The following GABRA3 variants were observed in gnomAD, a reference collection of about 807,000 sequenced individuals.
The protein encoded by GABRA3 is gamma-aminobutyric acid type A receptor subunit alpha3.
A neutral mutation model predicts 30.1 loss-of-function variants in GABRA3; 10 were observed. The observed-to-expected ratio is 0.33, with a 90% confidence interval of 0.20 to 0.56. GABRA3 has a LOEUF of 0.56. GABRA3 is among the 20% of genes least tolerant of loss of function. The pLI, the probability that GABRA3 is intolerant of heterozygous loss-of-function variation, is 0.89. For synonymous variants in GABRA3, 151 were observed against 146.8 expected (o/e 1.03, Z -0.21); for missense variants, 233 against 392.0 (o/e 0.59, Z 3.42).
intron 1 of GABRA3, among the ~76,000 whole-genome samples, chrX:152,401,347 C>T (rs1914485607): frequency 9.2e-6 from 1 of 108,549 alleles, no homozygotes; most frequent in Non-Finnish European, 1.9e-5. Flanking sequence ...ACAGCATGCA[C>T]TGAGTATCCA....
chrX:152,190,056 T>G, intron 8 of GABRA3, 115 bp from the exon 9 acceptor site: 1 of 502,034 alleles, frequency 2.0e-6, no homozygotes, highest in Non-Finnish European at 3.2e-6. Flanking sequence ...AAAATGGCCC[T>G]TTTAAAATAA....
intron 3 of GABRA3, among the ~76,000 whole-genome samples, chrX:152,328,770 T>C (rs1940110899): frequency 9.0e-6 from 1 of 111,523 alleles, no homozygotes; most frequent in South Asian, 3.8e-4. Context: ...ACTGGAAGCA[T>C]TCCCTTTGAA....
intron 9 of GABRA3, among the ~76,000 whole-genome samples, chrX:152,177,567 A>G (rs202017553): frequency 4.0e-5 from 2 of 49,927 alleles, no homozygotes; most frequent in African/African-American, 1.9e-4. Context: ...TGTTTTTCTG[A>G]AAAAAAAAAA....
At chrX:152,335,417 A>G (rs376945392) in intron 3 of GABRA3, among the ~76,000 whole-genome samples, 79 of 111,652 alleles carry the variant, frequency 7.1e-4, no homozygotes, top group African/African-American at 2.5e-3. Context: ...GGTGCTCTCA[A>G]AAACAAGGGA....
chrX:152,367,800 G>T (rs1928697776), intron 1 of GABRA3, among the ~76,000 whole-genome samples: 1 of 111,575 alleles, frequency 9.0e-6, no homozygotes, highest in South Asian at 3.8e-4. Flanking sequence ...CCCATCTCAA[G>T]TAATAGTGAC....
At chrX:152,344,469 A>G (rs1940361172) in intron 3 of GABRA3, among the ~76,000 whole-genome samples, 1 of 111,820 alleles carries the variant, frequency 8.9e-6, no homozygotes, top group African/African-American at 3.3e-5. Flanking sequence ...GAAAATCACC[A>G]TTTTGCCACC....
intron 4 of GABRA3, among the ~76,000 whole-genome samples, chrX:152,264,394 T>C (rs1569374162): frequency 8.9e-6 from 1 of 111,951 alleles, no homozygotes. Context: ...TTTGTTTGTT[T>C]ATGGGAACAA....
At chrX:152,279,836 A>G (rs1939165094) in intron 4 of GABRA3, among the ~76,000 whole-genome samples, 1 of 111,194 alleles carries the variant, frequency 9.0e-6, no homozygotes, top group Non-Finnish European at 1.9e-5. Context: ...CATCCCTTGC[A>G]AGTTGGATTC....
intron 5 of GABRA3, among the ~76,000 whole-genome samples, chrX:152,252,454 C>T (rs1465719988): frequency 1.8e-5 from 2 of 111,187 alleles, no homozygotes; most frequent in Non-Finnish European, 1.9e-5. Flanking sequence ...CTGTTACCCA[C>T]GTCGTGTCTC....
intron 3 of GABRA3, among the ~76,000 whole-genome samples, chrX:152,306,017 T>C (rs775433374): frequency 2.4e-4 from 27 of 112,062 alleles, no homozygotes; most frequent in African/African-American, 8.7e-4. Context: ...TGTAAGTGTA[T>C]TAAAAATCTC....
Position 152,237,024 on chromosome X carries a change from C to T in GABRA3, c.552-12179G>A, listed in dbSNP as rs1452715530. Among the ~76,000 whole-genome samples the T allele has an allele frequency of 3.7e-4, 40 of 108,216 alleles. No individual in the cohort carries two copies. In the East Asian group the frequency reaches 0.011, roughly 30 times the overall value. 94.0% of individuals were successfully genotyped at this position (108,216 alleles called of 115,157 possible). A position where few individuals can be genotyped will look rare whatever the true frequency, so the allele number is the denominator to read the frequency against. Reference sequence around the variant, plus strand: ...ATTAGATCCCATTTGTCAATTTTGGCTTTTGTTGCCATTGCTTTTGGTGTT... The same window carrying T: ...ATTAGATCCCATTTGTCAATTTTGGTTTTTGTTGCCATTGCTTTTGGTGTT... On this transcript the variant is annotated intron_variant, in intron 5 of 9. Transcript: ENST00000370314.
chrX:152,324,309 A>T (rs1940017174), intron 3 of GABRA3, among the ~76,000 whole-genome samples: 1 of 112,495 alleles, frequency 8.9e-6, no homozygotes, highest in Non-Finnish European at 1.9e-5. Context: ...AGACTGGTAA[A>T]CAAAAATACG....
chrX:152,373,981 T>C (rs1235180600), intron 1 of GABRA3, among the ~76,000 whole-genome samples: 2 of 111,612 alleles, frequency 1.8e-5, no homozygotes, highest in Non-Finnish European at 3.8e-5. Flanking sequence ...GGCTGCACAG[T>C]ATTCCATGGT....
At chrX:152,189,580 C>T (rs764519660) in intron 9 of GABRA3, 150 bp downstream of exon 9, 9 of 429,160 alleles carry the variant, frequency 2.1e-5, no homozygotes, top group African/African-American at 5.0e-5. Context: ...GCCAGGTTGC[C>T]AAGAAGCACT....
intron 9 of GABRA3, among the ~76,000 whole-genome samples, chrX:152,171,833 C>G (rs1003947514): frequency 8.9e-6 from 1 of 111,941 alleles, no homozygotes; most frequent in African/African-American, 3.2e-5. Context: ...AACGCCTTTC[C>G]TTCTAAAAAT....
intron 3 of GABRA3, among the ~76,000 whole-genome samples, chrX:152,344,206 T>C (rs922048169): frequency 9.0e-6 from 1 of 111,645 alleles, no homozygotes; most frequent in African/African-American, 3.3e-5. Context: ...AATAAGAAAG[T>C]ACTCAAAAAA....
intron 5 of GABRA3, among the ~76,000 whole-genome samples, chrX:152,245,112 A>G (rs1294288992): frequency 1.0e-4 from 4 of 38,358 alleles, no homozygotes; most frequent in Non-Finnish European, 1.8e-4. Flanking sequence ...AGGAGGGAAC[A>G]GTTTGAACTT....
intron 5 of GABRA3, among the ~76,000 whole-genome samples, chrX:152,239,118 C>G (rs1376998804): frequency 1.3e-4 from 13 of 99,268 alleles, no homozygotes; most frequent in Admixed American, 7.8e-4. Flanking sequence ...CCTGCTTTCT[C>G]TTGTGGGCAT....
intron 1 of GABRA3, among the ~76,000 whole-genome samples, chrX:152,383,269 G>A (rs1210785660): frequency 9.4e-6 from 1 of 106,445 alleles, no homozygotes; most frequent in Admixed American, 1.0e-4. Flanking sequence ...GGCGCCTATA[G>A]TCCCAGCTAC....
Sources: gnomAD v4.1 joint callset for allele counts (sites outside exome capture counted in the v4.1 genomes callset) on GRCh38, gnomAD v4.1.1 for gene constraint, MANE v1.5 for transcripts, NCBI Gene and HGNC (gene_info 2026-07-23, HGNC 2026-07-21) for gene names.